Variants in RGS6 observed in about 807,000 individuals in gnomAD.
RGS6 encodes regulator of G protein signaling 6, also known as regulator of G-protein signaling 6.
RGS6 carries 30 observed loss-of-function variants against 78.5 expected under a neutral mutation model. That is an observed-to-expected ratio of 0.38 (90% confidence interval 0.29 to 0.52). RGS6 has a LOEUF of 0.52. Among genes scored for constraint, RGS6 ranks in the 20% least tolerant of loss-of-function variants. The pLI is 0.85. For missense variants in RGS6, 495 were observed against 609.7 expected, an observed-to-expected ratio of 0.81 and a Z score of 1.98; for synonymous variants, 206 against 206.0, an observed-to-expected ratio of 1.00 and a Z score of 0.00.
intron 3 of RGS6, among the ~76,000 whole-genome samples, chr14:72,436,613 T>G (rs537204671): frequency 2.0e-5 from 3 of 152,180 alleles, no homozygotes; most frequent in Non-Finnish European, 4.4e-5. Context: ...ACCTATCAAT[T>G]TCTAGTCCTG....
the RGS6 span, among the ~76,000 whole-genome samples, chr14:71,875,445 G>T: frequency 6.6e-6 from 1 of 152,142 alleles, no homozygotes; most frequent in Non-Finnish European, 1.5e-5. Context: ...GGTGTTTATA[G>T]TATTCTCTGA....
chr14:72,593,016 G>C, the RGS6 span, among the ~76,000 whole-genome samples: 1 of 152,162 alleles, frequency 6.6e-6, no homozygotes, highest in Non-Finnish European at 1.5e-5. Flanking sequence ...ACTTCGAGGG[G>C]TGAGCAATCC....
chr14:72,601,546 C>A, the RGS6 span, among the ~76,000 whole-genome samples: 2 of 152,188 alleles, frequency 1.3e-5, no homozygotes, highest in Non-Finnish European at 2.9e-5. Context: ...CTATAGTTAA[C>A]AATAACGTAT....
At chr14:72,062,571 A>G (rs936647439) in intron 2 of RGS6, among the ~76,000 whole-genome samples, 8 of 152,246 alleles carry the variant, frequency 5.3e-5, no homozygotes, top group Non-Finnish European at 7.3e-5. Flanking sequence ...GTTGGGTTCA[A>G]GATATCTTTT....
At chr14:72,252,958 G>A (rs932941219) in intron 2 of RGS6, among the ~76,000 whole-genome samples, 16 of 152,196 alleles carry the variant, frequency 1.1e-4, no homozygotes, top group Non-Finnish European at 2.4e-4. Context: ...TACTTCTCAA[G>A]GTCTTGTGCC....
rs144453937 is a variant in RGS6 at position 72,147,299 on chromosome 14, G to A, written c.84+182424G>A. 5.3e-5 allele frequency among the ~76,000 whole-genome samples: 8 copies of A among 152,148 alleles called. No homozygotes were observed. The East Asian group carries it at 1.2e-3, about 22-fold the overall frequency. On this transcript the variant is annotated intron_variant, in intron 2 of 17. Transcript: ENST00000553525. ...TGTTACTGTAATAAACCCTCTTCTCGATACCAATTTTTTGTCTTAGTTTAT... is the reference window on the plus strand; with the variant it reads ...TGTTACTGTAATAAACCCTCTTCTCAATACCAATTTTTTGTCTTAGTTTAT...
upstream of RGS6, among the ~76,000 whole-genome samples, chr14:71,931,436 A>G (rs2087854474): frequency 1.3e-5 from 2 of 152,226 alleles, no homozygotes; most frequent in African/African-American, 4.8e-5. Context: ...GAATACATCC[A>G]TTAATCAATG....
intron 2 of RGS6, among the ~76,000 whole-genome samples, chr14:72,180,318 T>C (rs867106015): frequency 1.3e-5 from 2 of 152,202 alleles, no homozygotes; most frequent in African/African-American, 2.4e-5. Flanking sequence ...CAAAGGCACC[T>C]CTCCAGATAG....
At chr14:72,577,620 T>C in the RGS6 span, among the ~76,000 whole-genome samples, 9 of 152,322 alleles carry the variant, frequency 5.9e-5, no homozygotes, top group African/African-American at 2.2e-4. Flanking sequence ...ATGTACGTAA[T>C]GAAAATGCCC....
At chr14:72,025,574 C>A (rs984793495) in intron 2 of RGS6, among the ~76,000 whole-genome samples, 4 of 152,054 alleles carry the variant, frequency 2.6e-5, no homozygotes, top group Admixed American at 6.5e-5. Context: ...CTCTTAGAGT[C>A]TTTTATTTCA....
chr14:71,870,068 G>A, the RGS6 span, among the ~76,000 whole-genome samples: 1 of 152,180 alleles, frequency 6.6e-6, no homozygotes, highest in Admixed American at 6.5e-5. Context: ...TAAGACAGTA[G>A]TTTCCCAAAG....
intron 13 of RGS6, among the ~76,000 whole-genome samples, chr14:72,502,089 A>G (rs993248044): frequency 6.6e-6 from 1 of 152,158 alleles, no homozygotes; most frequent in Non-Finnish European, 1.5e-5. Context: ...AAACTATTTG[A>G]GAACCAGTAA....
At chr14:72,061,707 C>A (rs1468714134) in intron 2 of RGS6, among the ~76,000 whole-genome samples, 3 of 151,548 alleles carry the variant, frequency 2.0e-5, no homozygotes, top group Non-Finnish European at 2.9e-5. Context: ...TTTTATTGTT[C>A]TTTTTATATT....
chr14:72,342,564 T>TCA (rs2077206720), intron 2 of RGS6, among the ~76,000 whole-genome samples: 1 of 89,544 alleles, frequency 1.1e-5, no homozygotes, highest in Non-Finnish European at 2.2e-5. Context: ...AGACTCTGTC[T>TCA]TAAAAAAAAA....
intron 2 of RGS6, among the ~76,000 whole-genome samples, chr14:72,016,916 A>G (rs1450627859): frequency 6.6e-6 from 1 of 152,234 alleles, no homozygotes; most frequent in East Asian, 1.9e-4. Context: ...CTTCTCATCT[A>G]CAACTATGGT....
chr14:72,465,634 A>ATGGG lies in RGS6; in HGVS notation c.395-121_395-120insGTGG, dbSNP rs1360627391. 209 of 643,794 alleles carry ATGGG rather than the reference A, an allele frequency of 3.2e-4. 1 individual carries two copies. The highest frequency in any genetic ancestry group is 1.3e-3 in the Middle Eastern group (5 of 3,956). 39.9% of individuals were successfully genotyped at this position (643,794 alleles called of 1,614,324 possible). A position where few individuals can be genotyped will look rare whatever the true frequency, so the allele number is the denominator to read the frequency against. On this transcript the variant is annotated intron_variant, in intron 6 of 17. Coordinates refer to ENST00000553525, the MANE Select transcript of RGS6 (RefSeq NM_001204424.2). The stretch of plus-strand genomic sequence containing the variant: ...GATGGGTGGATGGGTGGATGGATGG[A>ATGGG]TGGATGGATGGATGGATGGATGGAT...
chr14:71,967,189 GTATA>G (rs10571406), intron 2 of RGS6, among the ~76,000 whole-genome samples: 92 of 145,708 alleles, frequency 6.3e-4, no homozygotes, highest in South Asian at 1.1e-3. Flanking sequence ...TGTGTAAAGA[GTATA>G]TATATATATA....
chr14:72,089,809 A>G (rs1306467965), intron 2 of RGS6, among the ~76,000 whole-genome samples: 1 of 152,150 alleles, frequency 6.6e-6, no homozygotes, highest in Non-Finnish European at 1.5e-5. Context: ...CACTTCCTAT[A>G]TACCACCACC....
the RGS6 span, among the ~76,000 whole-genome samples, chr14:72,612,993 C>CGTGTGTGTGTGTGTGTGTGTGT: frequency 6.7e-6 from 1 of 148,954 alleles, no homozygotes; most frequent in East Asian, 2.0e-4. Flanking sequence ...TTAAGTAGGG[C>CGTGTGTGTGTGTGTGTGTGTGT]GTGTGTGTGT....
Sources: allele counts gnomAD v4.1 joint callset (sites outside exome capture counted in the v4.1 genomes callset), GRCh38; gene constraint gnomAD v4.1.1; transcripts MANE v1.5; gene names NCBI Gene and HGNC (gene_info 2026-07-23, HGNC 2026-07-21).